Variants in TPD52L2 observed in about 807,000 individuals in gnomAD.
TPD52L2 encodes tumor protein D54.
Under a neutral mutation model 24.7 loss-of-function variants are expected in TPD52L2, and 19 were observed. That is an observed-to-expected ratio of 0.77 (90% CI 0.54 to 1.13). TPD52L2 has a LOEUF of 1.13. TPD52L2 is among the 50% of genes most tolerant of loss of function. TPD52L2 has a pLI of 0.00. For synonymous variants in TPD52L2, 104 were observed against 100.2 expected, an observed-to-expected ratio of 1.04 and a Z score of -0.23; for missense variants, 236 against 250.4, an observed-to-expected ratio of 0.94 and a Z score of 0.39.
At chr20:63,866,442 T>G (rs1271403457) in intron 1 of TPD52L2, among the ~76,000 whole-genome samples, 1 of 151,274 alleles carries the variant, frequency 6.6e-6, no homozygotes, top group East Asian at 2.0e-4. Context: ...TGCATTATTC[T>G]GGAGGGTGTT....
chr20:63,866,330 C>G (rs997289238), intron 1 of TPD52L2, among the ~76,000 whole-genome samples: 3 of 152,128 alleles, frequency 2.0e-5, no homozygotes, highest in Non-Finnish European at 4.4e-5. Flanking sequence ...GTCTCGATCT[C>G]TTGACCTTGT....
chr20:63,886,268 C>T (rs922287778), intron 5 of TPD52L2, among the ~76,000 whole-genome samples: 9 of 152,260 alleles, frequency 5.9e-5, no homozygotes, highest in Middle Eastern at 6.8e-3. Context: ...TTCTGTGTCC[C>T]CTCCTCGTGC....
At chr20:63,873,880 C>A in intron 3 of TPD52L2, 64 bp downstream of exon 3, 1 of 1,412,072 alleles carries the variant, frequency 7.1e-7, no homozygotes. Context: ...CGTGCCCCGG[C>A]ATGTGGGGGG....
At chr20:63,882,923 C>A (rs1443323580) in intron 5 of TPD52L2, 103 bp downstream of exon 5, 1 of 852,912 alleles carries the variant, frequency 1.2e-6, no homozygotes, top group Admixed American at 2.5e-5. Flanking sequence ...GGCTCAGATG[C>A]ACTGGCTCAG....
intron 5 of TPD52L2, among the ~76,000 whole-genome samples, chr20:63,886,400 G>T (rs535966959): frequency 2.0e-5 from 3 of 150,508 alleles, no homozygotes; most frequent in Non-Finnish European, 3.0e-5. Flanking sequence ...TTGCTCTGTC[G>T]CCCAGGTTGG....
chr20:63,870,709 C>T (rs1304951242), intron 2 of TPD52L2, among the ~76,000 whole-genome samples: 9 of 146,322 alleles, frequency 6.2e-5, no homozygotes, highest in Non-Finnish European at 1.2e-4. Context: ...TGTTTTTAGT[C>T]GAGATGGGGT....
At chr20:63,865,425 G>T in intron 1 of TPD52L2, 41 bp downstream of exon 1, 2 of 1,510,630 alleles carry the variant, frequency 1.3e-6, no homozygotes, top group Non-Finnish European at 1.8e-6. Context: ...GATGGGCCCA[G>T]GCTGCCCGTT....
intron 2 of TPD52L2, among the ~76,000 whole-genome samples, chr20:63,872,734 G>C (rs535363290): frequency 3.3e-5 from 5 of 150,332 alleles, no homozygotes; most frequent in African/African-American, 9.8e-5. Flanking sequence ...ATGGAGTCTC[G>C]CTCTGTCACC....
At chr20:63,883,578 C>G (rs1188367322) in intron 5 of TPD52L2, among the ~76,000 whole-genome samples, 1 of 152,170 alleles carries the variant, frequency 6.6e-6, no homozygotes, top group Admixed American at 6.5e-5. Context: ...CATCCTGGCC[C>G]CAACTTCTGG....
At position 63,873,781 on chromosome 20, in the gene TPD52L2, G is replaced by A; in HGVS notation, c.279G>A (p.Leu93=). 6.3e-7 allele frequency: 1 copy of A among 1,586,766 alleles called. No individual in the cohort carries two copies. The highest frequency in any genetic ancestry group is 1.4e-5 in the African/African-American group (1 of 73,420). The change falls in exon 3 of 7, where the codon CTG becomes CTA. Residue 93 remains leucine, a synonymous_variant. Coordinates refer to ENST00000346249, the MANE Select transcript of TPD52L2 (RefSeq NM_003288.4). ...LSTLGELKQN[L]SRSWHDVQVS... is the part of the protein sequence containing the mutation. ...CCCTGGGGGAGCTGAAACAGAACCT[G>A]TCCAGGAGCTGGCATGACGTGCAGG... is the stretch of plus-strand genomic sequence containing the variant.
At chr20:63,880,988 T>G (rs1568953231) in intron 4 of TPD52L2, among the ~76,000 whole-genome samples, 1 of 151,720 alleles carries the variant, frequency 6.6e-6, no homozygotes, top group Non-Finnish European at 1.5e-5. Context: ...AGAAAAAATT[T>G]AAAAACAGCC....
chr20:63,889,816 A>G, intron 6 of TPD52L2, 34 bp from the exon 7 acceptor site: 1 of 1,602,026 alleles, frequency 6.2e-7, no homozygotes, highest in Non-Finnish European at 8.5e-7. Flanking sequence ...GCTCTGTCTC[A>G]GGTTTTTCTG....
At chr20:63,878,224 G>A (rs1171643901) in intron 4 of TPD52L2, among the ~76,000 whole-genome samples, 1 of 152,276 alleles carries the variant, frequency 6.6e-6, no homozygotes, top group Non-Finnish European at 1.5e-5. Flanking sequence ...ACGGGAAGGA[G>A]AACGTGGCCG....
rs116458057 is a variant in TPD52L2, at chr20:63,874,501, G to A, written c.314+685G>A. ...CAATCCTCCCAACTCAACCCCCCTC[G>A]TAGCTGGGATGACAGGCGTGCGCCA... On this transcript the variant is annotated intron_variant, in intron 3 of 6. Coordinates refer to ENST00000346249, the MANE Select transcript of TPD52L2 (RefSeq NM_003288.4). Among the ~76,000 whole-genome samples the A allele has an allele frequency of 2.5e-3, 382 of 151,792 alleles. 2 individuals are homozygous for A. The highest frequency in any genetic ancestry group is 8.5e-3 in the African/African-American group (351 of 41,334).
At chr20:63,885,989 C>A in intron 5 of TPD52L2, 1 of 1,614,070 alleles carries the variant, frequency 6.2e-7, no homozygotes, top group Non-Finnish European at 8.5e-7. Context: ...ACTTCGTTTC[C>A]TCTTCTCTCC....
At chr20:63,887,577 C>T (rs761335673) in intron 5 of TPD52L2, 53 of 1,613,432 alleles carry the variant, frequency 3.3e-5, no homozygotes, top group African/African-American at 4.0e-5. Flanking sequence ...CTACTCCATC[C>T]GCCACTCAAT....
intron 3 of TPD52L2, among the ~76,000 whole-genome samples, chr20:63,874,709 T>C (rs2052601671): frequency 6.6e-6 from 1 of 151,368 alleles, no homozygotes; most frequent in Admixed American, 6.6e-5. Flanking sequence ...ACACACTGGC[T>C]AGTTGTCCTG....
rs148284658 is a variant in TPD52L2, at chr20:63,871,244, T to C, written c.165+1803T>C. Among the ~76,000 whole-genome samples, 688 of 151,650 alleles carry C rather than the reference T, an allele frequency of 4.5e-3. 3 individuals carry two copies. The highest frequency in any genetic ancestry group is 0.016 in the African/African-American group (658 of 41,304). On this transcript the variant is annotated intron_variant, in intron 2 of 6. Transcript: ENST00000346249. ...TTTTAGTAGAGACAGAGTTTCACCA[T>C]GTTGGCCAGGCTGGTCCCGAACTCC... is the stretch of plus-strand genomic sequence containing the variant.
At chr20:63,875,367 G>T (rs2052632032) in intron 3 of TPD52L2, among the ~76,000 whole-genome samples, 1 of 152,080 alleles carries the variant, frequency 6.6e-6, no homozygotes, top group Non-Finnish European at 1.5e-5. Flanking sequence ...CTTCAAGGTT[G>T]GGGTGGCTGT....
Sources: allele counts gnomAD v4.1 joint callset (sites outside exome capture counted in the v4.1 genomes callset), GRCh38; gene constraint gnomAD v4.1.1; transcripts MANE v1.5; gene names NCBI Gene and HGNC (gene_info 2026-07-23, HGNC 2026-07-21).